ARID1B: variants seen among roughly 807,000 people sequenced by gnomAD.
The protein encoded by ARID1B is AT-rich interaction domain 1B.
A neutral mutation model predicts 212.3 loss-of-function variants in ARID1B; 30 were observed. The observed-to-expected ratio is 0.14, with a 90% confidence interval of 0.11 to 0.19. The LOEUF is 0.19. Among genes scored for constraint, ARID1B ranks in the 10% least tolerant of loss-of-function variants. The probability of loss-of-function intolerance (pLI) is 1.00; values close to 1 mark genes in which losing one functional copy is unlikely to be tolerated. For missense variants in ARID1B, 2,891 were observed against 3,204.0 expected (o/e 0.90, Z 2.36); for synonymous variants, 1,402 against 1,301.7 (o/e 1.08, Z -1.66).
intron 6 of ARID1B, among the ~76,000 whole-genome samples, chr6:157,127,615 C>CAA (rs879895447): frequency 7.0e-6 from 1 of 142,494 alleles, no homozygotes. Context: ...ACTAAAAATA[C>CAA]AAAAAAAAAA....
At chr6:157,069,301 A>G (rs1182364721) in intron 4 of ARID1B, among the ~76,000 whole-genome samples, 1 of 152,182 alleles carries the variant, frequency 6.6e-6, no homozygotes, top group Non-Finnish European at 1.5e-5. Context: ...CCTTGCATTT[A>G]CTATTTATTG....
At chr6:156,892,958 A>G (rs148948460) in intron 2 of ARID1B, among the ~76,000 whole-genome samples, 7 of 152,278 alleles carry the variant, frequency 4.6e-5, no homozygotes, top group African/African-American at 1.7e-4. Flanking sequence ...TAGACTATAT[A>G]TAACAATTAG....
At chr6:156,901,008 T>C (rs1718089601) in intron 2 of ARID1B, among the ~76,000 whole-genome samples, 1 of 152,210 alleles carries the variant, frequency 6.6e-6, no homozygotes. Context: ...ATTTGGACTG[T>C]TTGAGTTCAC....
At chr6:156,959,675 T>C (rs564986859) in intron 4 of ARID1B, among the ~76,000 whole-genome samples, 44 of 152,248 alleles carry the variant, frequency 2.9e-4, no homozygotes, top group Middle Eastern at 6.8e-3. Flanking sequence ...TGTGTAAAGG[T>C]TGAATTGTCT....
intron 3 of ARID1B, among the ~76,000 whole-genome samples, chr6:156,928,412 C>G (rs1055810376): frequency 1.3e-5 from 2 of 152,168 alleles, no homozygotes; most frequent in African/African-American, 4.8e-5. Flanking sequence ...TCTGAGCAAT[C>G]TCATTTGGGT....
At chr6:157,110,356 G>A in intron 5 of ARID1B, 116 bp from the exon 6 acceptor site, 1 of 797,312 alleles carries the variant, frequency 1.3e-6, no homozygotes, top group Non-Finnish European at 2.1e-6. Context: ...TTTTTTTAAT[G>A]GGGCTATACC....
chr6:157,156,744 G>A (rs1472486901), intron 8 of ARID1B, among the ~76,000 whole-genome samples: 1 of 152,176 alleles, frequency 6.6e-6, no homozygotes, highest in African/African-American at 2.4e-5. Context: ...TGGTTCTGGT[G>A]TGGAAGCCAG....
intron 1 of ARID1B, among the ~76,000 whole-genome samples, chr6:156,817,632 T>TAAA (rs551182557): frequency 4.1e-4 from 60 of 147,566 alleles, no homozygotes; most frequent in African/African-American, 6.7e-4. Context: ...GTCTGACTCT[T>TAAA]AAAAAAAAAA....
Position 157,148,787 on chromosome 6 carries a change from G to C in ARID1B, c.2925G>C (p.Gln975His), listed in dbSNP as rs1789983128. Residue 975 changes from glutamine to histidine, a missense_variant, in exon 8 of 20, where the codon CAG (glutamine) becomes CAC (histidine). Gln to His is a conservative substitution (Grantham distance 24). Coordinates refer to ENST00000636930, the MANE Select transcript of ARID1B (RefSeq NM_001374828.1). This position sits in a 1 kb window ranked among gnomAD's most constrained non-coding sequence, Gnocchi z 5.6. ...PLGRMPSAGMQNRPFPGNMSS... is the reference protein window; with the variant it reads ...PLGRMPSAGMHNRPFPGNMSS... ...GACGAATGCCATCAGCTGGGATGCA[G>C]AACAGACCATTTCCTGGAAATATGA... is the stretch of plus-strand genomic sequence containing the variant. The C allele has an allele frequency of 6.2e-7, 1 of 1,613,062 alleles. No homozygotes were observed. Among genetic ancestry groups the C allele is most frequent in the East Asian group, 2.2e-5 (1 of 44,874 alleles).
chr6:157,126,975 C>T (rs1788177231), intron 6 of ARID1B, among the ~76,000 whole-genome samples: 1 of 152,064 alleles, frequency 6.6e-6, no homozygotes, highest in Non-Finnish European at 1.5e-5. Flanking sequence ...AAGCAAGATG[C>T]AATCAAACAA....
At chr6:157,161,429 G>GTATATATATATATATATATA (rs1228344142) in intron 8 of ARID1B, among the ~76,000 whole-genome samples, 3 of 134,088 alleles carry the variant, frequency 2.2e-5, no homozygotes, top group African/African-American at 9.0e-5. Flanking sequence ...GATTGTGTGT[G>GTATATATATATATATATATA]TGTATATATA....
At chr6:156,855,948 A>G (rs957315586) in intron 2 of ARID1B, among the ~76,000 whole-genome samples, 2 of 152,230 alleles carry the variant, frequency 1.3e-5, no homozygotes, top group Non-Finnish European at 2.9e-5. Flanking sequence ...TCTGTTATCA[A>G]AATTTTCAGG....
At chr6:156,856,696 TCTCTCACACA>T (rs1198822995) in intron 2 of ARID1B, among the ~76,000 whole-genome samples, 8 of 84,222 alleles carry the variant, frequency 9.5e-5, no homozygotes, top group South Asian at 4.6e-4. Flanking sequence ...TCTCTCTCTC[TCTCTCACACA>T]CACACACACA....
intron 2 of ARID1B, among the ~76,000 whole-genome samples, chr6:156,849,279 C>T (rs1483627359): frequency 6.6e-6 from 1 of 152,148 alleles, no homozygotes; most frequent in Non-Finnish European, 1.5e-5. Flanking sequence ...TGTCTCCCTT[C>T]CTTCATGCCC....
At chr6:156,911,558 A>G (rs529001402) in intron 3 of ARID1B, among the ~76,000 whole-genome samples, 2 of 152,284 alleles carry the variant, frequency 1.3e-5, no homozygotes, top group East Asian at 3.9e-4. Flanking sequence ...CATGTGTTAT[A>G]TATGTCCTTA....
chr6:157,170,761 G>A (rs1010475157), intron 9 of ARID1B, among the ~76,000 whole-genome samples: 1 of 152,154 alleles, frequency 6.6e-6, no homozygotes, highest in African/African-American at 2.4e-5. Context: ...CCCACTCTGT[G>A]CCATGGAGGG....
At position 156,903,299 on chromosome 6, in the gene ARID1B, T is replaced by G. The variant is rs184892550; in HGVS notation, c.2136+1774T>G. 1.6e-3 allele frequency among the ~76,000 whole-genome samples: 243 copies of G among 152,344 alleles called. 1 individual carries two copies. Among genetic ancestry groups the G allele is most frequent in the African/African-American group, 5.6e-3 (231 of 41,574 alleles). On this transcript the variant is annotated intron_variant, in intron 3 of 19. Transcript: ENST00000636930. ...GCTTTGATTATTGCTATCATTTTAT[T>G]GATTTGAATACAATAAATTATATGG... is the stretch of plus-strand genomic sequence containing the variant.
intron 1 of ARID1B, 26 bp downstream of exon 1, chr6:156,779,497 C>T (rs1583027622): frequency 7.6e-7 from 1 of 1,320,512 alleles, no homozygotes. Context: ...GCCGGGCCTG[C>T]TTCCGCCCGG....
At chr6:157,156,911 A>C (rs886823455) in intron 8 of ARID1B, among the ~76,000 whole-genome samples, 68 of 152,246 alleles carry the variant, frequency 4.5e-4, no homozygotes, top group Non-Finnish European at 2.5e-4. Context: ...CACTGGGAGC[A>C]CTCTGGCATC....
Sources: gnomAD v4.1 joint callset for allele counts (sites outside exome capture counted in the v4.1 genomes callset) on GRCh38, gnomAD v4.1.1 for gene constraint, Gnocchi (gnomAD v3.1) non-coding constraint, MANE v1.5 for transcripts, NCBI Gene and HGNC (gene_info 2026-07-23, HGNC 2026-07-21) for gene names.